ZHX3: variants seen among roughly 807,000 people sequenced by gnomAD.
The protein encoded by ZHX3 is zinc fingers and homeoboxes 3, also known as zinc fingers and homeoboxes protein 3.
A neutral mutation model predicts 64.5 loss-of-function variants in ZHX3; 20 were observed. The ratio of observed to expected loss-of-function variants is 0.31; its 90% CI spans 0.22 to 0.45. The LOEUF (loss-of-function observed/expected upper bound fraction) is 0.45. ZHX3 is among the 20% of genes least tolerant of loss of function. The pLI is 1.00. For missense variants in ZHX3, 1,041 were observed against 1,195.8 expected (o/e 0.87, Z 1.91); for synonymous variants, 423 against 461.6 (o/e 0.92, Z 1.07).
At chr20:41,235,876 C>T (rs1419774271) in intron 2 of ZHX3, among the ~76,000 whole-genome samples, 2 of 152,176 alleles carry the variant, frequency 1.3e-5, no homozygotes, top group African/African-American at 4.8e-5. Flanking sequence ...AAAACCCCAT[C>T]ATCTCAGCCC....
intron 2 of ZHX3, among the ~76,000 whole-genome samples, chr20:41,268,268 T>C (rs1386862521): frequency 6.6e-6 from 1 of 152,222 alleles, no homozygotes; most frequent in African/African-American, 2.4e-5. Flanking sequence ...GGACAAAGTT[T>C]CTTAATAATG....
chr20:41,212,913 A>G lies in ZHX3; in HGVS notation c.-150-7847T>C, dbSNP rs1431727257. 6.6e-6 allele frequency among the ~76,000 whole-genome samples: 1 copy of G among 152,252 alleles called. No homozygotes were observed. The highest frequency in any genetic ancestry group is 1.5e-5 in the Non-Finnish European group (1 of 68,044). Reference sequence around the variant, plus strand: ...TGTCCACCCCAAAATATGTACACAAATGTTCACAGCAGCATTATTCAAATA... The same window carrying G: ...TGTCCACCCCAAAATATGTACACAAGTGTTCACAGCAGCATTATTCAAATA... On this transcript the variant is annotated intron_variant, in intron 2 of 3. Coordinates refer to ENST00000683867, the MANE Select transcript of ZHX3 (RefSeq NM_001384317.1). This position sits in a 1 kb window ranked among gnomAD's most constrained non-coding sequence, Gnocchi z 4.3.
chr20:41,263,556 G>A (rs1446370627), intron 2 of ZHX3, among the ~76,000 whole-genome samples: 1 of 151,792 alleles, frequency 6.6e-6, no homozygotes, highest in Non-Finnish European at 1.5e-5. Context: ...CACCATGCCC[G>A]GCTAATTTTT....
intron 2 of ZHX3, chr20:41,213,787 C>T (rs2039330372): frequency 6.6e-6 from 1 of 152,252 alleles, no homozygotes; most frequent in African/African-American, 2.4e-5. Context: ...GCAATAGTCC[C>T]AATGTCATTC....
chr20:41,264,253 C>CA (rs950069477), intron 2 of ZHX3, among the ~76,000 whole-genome samples: 31 of 145,976 alleles, frequency 2.1e-4, no homozygotes, highest in Middle Eastern at 3.5e-3. Flanking sequence ...CACTAAAATA[C>CA]AAAAAAAAAA....
In ZHX3 at chr20:41,203,042, T is replaced by C; in HGVS notation, c.1875A>G (p.Arg625=). The change falls in exon 3 of 4, where the codon AGA becomes AGG. Residue 625 remains arginine (R), a synonymous_variant. Transcript: ENST00000683867. This position sits in a 1 kb window ranked among gnomAD's most constrained non-coding sequence, Gnocchi z 7.1. ...TTTGTGCAAAACTGCTCTCCAGGGC[T>C]CTGAGCTGCTCAGGGGCTCTCTCCT... The part of the protein sequence containing the change: ...KYKERAPEQL[R]ALESSFAQNP... 1 of 1,614,220 alleles carries C rather than the reference T, an allele frequency of 6.2e-7. No homozygotes were observed. Among genetic ancestry groups the C allele is most frequent in the Non-Finnish European group, 8.5e-7 (1 of 1,180,042 alleles).
At position 41,179,250 on chromosome 20, in the gene ZHX3, G is replaced by A. The variant is rs2036157033; in HGVS notation, c.*5941C>T. On this transcript the variant is annotated 3_prime_UTR_variant, in exon 4 of 4. Coordinates refer to ENST00000683867, the MANE Select transcript of ZHX3 (RefSeq NM_001384317.1). This position sits in a 1 kb window ranked among gnomAD's most constrained non-coding sequence, Gnocchi z 4.3. ...TTCTGAACAAAGCAACTGCTCAGAAGCACAGCGGGAACCCTCTACACAGGG... is the reference window on the plus strand; with the variant it reads ...TTCTGAACAAAGCAACTGCTCAGAAACACAGCGGGAACCCTCTACACAGGG... The A allele has an allele frequency of 6.6e-6, 1 of 152,188 alleles. No individual in the cohort carries two copies. Among genetic ancestry groups the A allele is most frequent in the Admixed American group, 6.5e-5 (1 of 15,282 alleles). 9.4% of individuals were successfully genotyped at this position (152,188 alleles called of 1,614,324 possible).
chr20:41,202,713 G>A lies in ZHX3; in HGVS notation c.2204C>T (p.Thr735Ile). 6.2e-7 allele frequency: 1 copy of A among 1,614,178 alleles called. No homozygotes were observed. Among genetic ancestry groups the A allele is most frequent in the South Asian group, 1.1e-5 (1 of 91,078 alleles). Residue 735 changes from threonine to isoleucine, a missense_variant, in exon 3 of 4, where the codon ACT becomes ATT. Coordinates refer to ENST00000683867, the MANE Select transcript of ZHX3 (RefSeq NM_001384317.1). This position sits in a 1 kb window ranked among gnomAD's most constrained non-coding sequence, Gnocchi z 7.0. The stretch of plus-strand genomic sequence containing the variant: ...AATCTCGTTCCTGCCATTGGCTTCA[G>A]TGACCCTCAGGTTCTTCAGGTTGAT... ...IKINLKNLRV[T>I]EANGRNEIPG... is the part of the protein sequence containing the mutation.
Position 41,232,063 on chromosome 20 carries a change from C to T in ZHX3, c.-150-26997G>A, listed in dbSNP as rs6016530. Among the ~76,000 whole-genome samples the T allele has an allele frequency of 7.8e-3, 1,187 of 152,194 alleles. 11 individuals are homozygous for T. Among genetic ancestry groups the T allele is most frequent in the African/African-American group, 0.027 (1,124 of 41,520 alleles). On this transcript the variant is annotated intron_variant, in intron 2 of 3. Transcript: ENST00000683867. The surrounding 1 kb of genome is among the most constrained non-coding windows in gnomAD (Gnocchi z 5.0). ...ACCAAAATAGAGGCAGTGAAACAGCCTTTGAAGTTGTTTTCAAAGGAAGCC... is the reference window on the plus strand; with the variant it reads ...ACCAAAATAGAGGCAGTGAAACAGCTTTTGAAGTTGTTTTCAAAGGAAGCC...
chr20:41,283,071 G>A (rs536268115), intron 1 of ZHX3, among the ~76,000 whole-genome samples: 2 of 152,168 alleles, frequency 1.3e-5, no homozygotes, highest in African/African-American at 4.8e-5. Flanking sequence ...ACCATGCCCA[G>A]CTAATTTTGT....
chr20:41,230,270 A>T (rs183164546), intron 2 of ZHX3, among the ~76,000 whole-genome samples: 1 of 152,098 alleles, frequency 6.6e-6, no homozygotes, highest in African/African-American at 2.4e-5. Flanking sequence ...TCTGTTGGAC[A>T]GCACTGCCTA....
chr20:41,191,231 C>A (rs932499033), intron 3 of ZHX3, among the ~76,000 whole-genome samples: 1 of 151,752 alleles, frequency 6.6e-6, no homozygotes, highest in Admixed American at 6.6e-5. Flanking sequence ...ATTTTTTATT[C>A]TTTTTTATTT....
chr20:41,204,266 C>A lies in ZHX3; in HGVS notation c.651G>T (p.Lys217Asn), dbSNP rs756455343. ...PSQPVGEALP[K>N]LSTGEMEVRE... ...TCACCTCCATTTCTCCAGTCGACAG[C>A]TTTGGTAAGGCCTCACCCACAGGCT... is the stretch of plus-strand genomic sequence containing the variant. The change falls in exon 3 of 4, where the codon AAG (lysine) becomes AAT (asparagine). Residue 217 changes from lysine (K) to asparagine (N), a missense_variant. Physicochemically the swap from Lys to Asn is moderately conservative, Grantham distance 94. Transcript: ENST00000683867. The surrounding 1 kb of genome is among the most constrained non-coding windows in gnomAD (Gnocchi z 6.6). 1 of 1,614,172 alleles carries A rather than the reference C, an allele frequency of 6.2e-7. No individual in the cohort carries two copies. The highest frequency in any genetic ancestry group is 8.5e-7 in the Non-Finnish European group (1 of 1,180,030).
chr20:41,244,074 A>G (rs934104435), intron 2 of ZHX3, among the ~76,000 whole-genome samples: 3 of 152,076 alleles, frequency 2.0e-5, no homozygotes, highest in African/African-American at 4.8e-5. Context: ...TGTAAATTGC[A>G]GGATATTTAG....
intron 2 of ZHX3, among the ~76,000 whole-genome samples, chr20:41,230,531 G>A (rs2040539203): frequency 6.6e-6 from 1 of 152,180 alleles, no homozygotes; most frequent in South Asian, 2.1e-4. Context: ...TGTGGCTAAT[G>A]TGAATTGAGA....
At position 41,219,047 on chromosome 20, in the gene ZHX3, A is replaced by G. The variant is rs550574157; in HGVS notation, c.-150-13981T>C. Among the ~76,000 whole-genome samples the G allele has an allele frequency of 3.2e-4, 48 of 148,770 alleles. No individual in the cohort carries two copies. Among genetic ancestry groups the G allele is most frequent in the African/African-American group, 1.1e-3 (44 of 40,088 alleles). Reference sequence around the variant, plus strand: ...CGGGTTCACGCCACTCTCCTGCCTCAGCCTCCCAAGTAGCTGGGACTACAT... The same window carrying G: ...CGGGTTCACGCCACTCTCCTGCCTCGGCCTCCCAAGTAGCTGGGACTACAT... On this transcript the variant is annotated intron_variant, in intron 2 of 3. Transcript: ENST00000683867. The surrounding 1 kb of genome is among the most constrained non-coding windows in gnomAD (Gnocchi z 5.0).
In ZHX3 at chr20:41,203,593, G is replaced by A. The variant is rs773661198; in HGVS notation, c.1324C>T (p.Pro442Ser). 34 of 1,614,090 alleles carry A rather than the reference G, an allele frequency of 2.1e-5. No homozygotes were observed. The highest frequency in any genetic ancestry group is 2.8e-5 in the Non-Finnish European group (33 of 1,180,052). Residue 442 changes from proline (P) to serine (S), a missense_variant, in exon 3 of 4, where the codon CCT becomes TCT. Around this residue, in one of 4 missense-constraint regions of ZHX3, gnomAD observed 649 missense variants for 739.8 expected, o/e 0.88. Coordinates refer to ENST00000683867, the MANE Select transcript of ZHX3 (RefSeq NM_001384317.1). The surrounding 1 kb of genome is among the most constrained non-coding windows in gnomAD (Gnocchi z 7.1). ...ACGGATGTCACCGTGAGGGGGAGAG[G>A]GGAACTTGTTGCTTGCAACCCATTG... ...MANGLQATSS[P>S]LPLTVTSVPK... is the part of the protein sequence containing the mutation.
intron 3 of ZHX3, among the ~76,000 whole-genome samples, chr20:41,196,318 TAATA>T (rs1032431954): frequency 7.8e-5 from 9 of 115,994 alleles, no homozygotes; most frequent in African/African-American, 2.9e-4. Context: ...TATATATTTA[TAATA>T]AATATATTTT....
rs2038270077 is a variant in ZHX3, at chr20:41,202,088, G to A, written c.2829C>T (p.Asp943=). The change falls in exon 3 of 4, where the codon GAC becomes GAT. Residue 943 remains aspartate (D), a synonymous_variant. Transcript: ENST00000683867. The surrounding 1 kb of genome is among the most constrained non-coding windows in gnomAD (Gnocchi z 7.0). The stretch of plus-strand genomic sequence containing the variant: ...GACGTCCAGCCTGGGGACTCGATGT[G>A]TCAAAGGGCTCTGAGCTGGCCTCAG... ...RVPEASSEPF[D]TSSPQAGRQL... 1.9e-6 allele frequency: 3 copies of A among 1,610,624 alleles called. No homozygotes were observed. Among genetic ancestry groups the A allele is most frequent in the African/African-American group, 1.3e-5 (1 of 74,874 alleles).
Sources: allele counts gnomAD v4.1 joint callset (sites outside exome capture counted in the v4.1 genomes callset), GRCh38; gene constraint gnomAD v4.1.1; regional missense constraint gnomAD v4.1.1; non-coding constraint Gnocchi (gnomAD v3.1); transcripts MANE v1.5; gene names NCBI Gene and HGNC (gene_info 2026-07-23, HGNC 2026-07-21).